AAGAB: variants seen among roughly 807,000 people sequenced by gnomAD.
The protein encoded by AAGAB is alpha- and gamma-adaptin-binding protein p34.
In AAGAB, 38 loss-of-function variants were observed where a neutral mutation model predicts 44.1. The observed-to-expected ratio is 0.86, with a 90% CI of 0.67 to 1.13. The LOEUF (loss-of-function observed/expected upper bound fraction) is 1.13, where lower values mean the gene tolerates loss of function less well. AAGAB is among the 50% of genes most tolerant of loss of function. The probability of loss-of-function intolerance (pLI) is 0.00; values close to 1 mark genes in which losing one functional copy is unlikely to be tolerated. For synonymous variants in AAGAB, 131 were observed against 131.8 expected, an observed-to-expected ratio of 0.99 and a Z score of 0.04; for missense variants, 450 against 373.8, an observed-to-expected ratio of 1.20 and a Z score of -1.68.
intron 1 of AAGAB, among the ~76,000 whole-genome samples, chr15:67,241,696 A>G (rs1964603829): frequency 6.6e-6 from 1 of 152,192 alleles, no homozygotes; most frequent in African/African-American, 2.4e-5. Flanking sequence ...AAAGGCTTAA[A>G]TGAATTCAAT....
intron 9 of AAGAB, among the ~76,000 whole-genome samples, chr15:67,203,121 G>T (rs1963604778): frequency 6.6e-6 from 1 of 152,164 alleles, no homozygotes. Context: ...GATGTGTAAA[G>T]ACATGCACAG....
intron 5 of AAGAB, among the ~76,000 whole-genome samples, chr15:67,217,768 C>T (rs1272962616): frequency 7.0e-4 from 107 of 152,148 alleles, no homozygotes; most frequent in Non-Finnish European, 1.0e-4. Flanking sequence ...GAACTCCTGA[C>T]CTCGTGATCC....
At chr15:67,231,212 A>G (rs1964326664) in intron 5 of AAGAB, among the ~76,000 whole-genome samples, 1 of 152,048 alleles carries the variant, frequency 6.6e-6, no homozygotes, top group Non-Finnish European at 1.5e-5. Flanking sequence ...GCTAATTTTT[A>G]TGGAGATGGG....
At chr15:67,208,751 T>A in intron 6 of AAGAB, 93 bp from the exon 7 acceptor site, 1 of 1,101,288 alleles carries the variant, frequency 9.1e-7, no homozygotes, top group Non-Finnish European at 1.3e-6. Context: ...CTTGGTTGGC[T>A]TGAGAAAAGA....
Position 67,208,763 on chromosome 15 carries a change from T to G in AAGAB, c.619-105A>C, listed in dbSNP as rs139418005. On this transcript the variant is annotated intron_variant, in intron 6 of 9. Transcript: ENST00000261880. ...GTCCTTGGTTGGCTTGAGAAAAGAGTAATAGGAACTGGAGGCAAAGAAAGA... is the reference window on the plus strand; with the variant it reads ...GTCCTTGGTTGGCTTGAGAAAAGAGGAATAGGAACTGGAGGCAAAGAAAGA... 2.4e-3 allele frequency: 2,126 copies of G among 886,840 alleles called. 4 individuals carry two copies. The highest frequency in any genetic ancestry group is 2.5e-3 in the Non-Finnish European group (1,406 of 572,684). 54.9% of individuals were successfully genotyped at this position (886,840 alleles called of 1,614,324 possible).
chr15:67,210,408 CG>C (rs752240509), intron 5 of AAGAB, among the ~76,000 whole-genome samples: 4 of 151,450 alleles, frequency 2.6e-5, no homozygotes, highest in Non-Finnish European at 4.4e-5. Flanking sequence ...CTCAGCTACT[CG>C]GGAGGCTGAG....
In AAGAB at chr15:67,204,120, T is replaced by A. The variant is rs372325047; in HGVS notation, c.744A>T (p.Glu248Asp). The A allele has an allele frequency of 1.4e-4, 226 of 1,610,656 alleles. No individual in the cohort carries two copies. The highest frequency in any genetic ancestry group is 3.5e-4 in the Admixed American group (21 of 59,804). Residue 248 changes from glutamate to aspartate, a missense_variant, in exon 8 of 10, where the codon GAA becomes GAT. Coordinates refer to ENST00000261880, the MANE Select transcript of AAGAB (RefSeq NM_024666.5). The part of the protein sequence containing the change: ...VDPMLDLDIQ[E>D]LASLTTGGGD... ...CTCCTCCAGTGGTAAGACTGGCTAA[T>A]TCTTGAATATCCAGATCTAACATGG...
intron 5 of AAGAB, among the ~76,000 whole-genome samples, chr15:67,220,293 T>C (rs541260812): frequency 1.5e-4 from 23 of 152,352 alleles, no homozygotes; most frequent in Admixed American, 7.2e-4. Flanking sequence ...AGAGAGCACC[T>C]AGGCTAAGGG....
intron 7 of AAGAB, among the ~76,000 whole-genome samples, chr15:67,205,336 G>A (rs921836222): frequency 1.3e-5 from 2 of 152,120 alleles, no homozygotes; most frequent in South Asian, 2.1e-4. Flanking sequence ...ATTTGCTTTC[G>A]TTCAATGGAC....
chr15:67,219,089 A>G (rs1964012967), intron 5 of AAGAB, among the ~76,000 whole-genome samples: 1 of 152,148 alleles, frequency 6.6e-6, no homozygotes, highest in African/African-American at 2.4e-5. Context: ...GGTATCTGGG[A>G]ATTTCCTCTA....
At chr15:67,225,957 G>A (rs1964194261) in intron 5 of AAGAB, among the ~76,000 whole-genome samples, 1 of 152,100 alleles carries the variant, frequency 6.6e-6, no homozygotes, top group Non-Finnish European at 1.5e-5. Flanking sequence ...ACTCTCTAAA[G>A]TGGCTGCAGC....
intron 5 of AAGAB, among the ~76,000 whole-genome samples, chr15:67,222,242 G>GCGCACGCA (rs1367738219): frequency 6.7e-5 from 6 of 90,044 alleles, no homozygotes; most frequent in Admixed American, 1.4e-4. Flanking sequence ...GCGCGCGCGC[G>GCGCACGCA]CACACACACA....
At chr15:67,254,854 G>T (rs1391236648), upstream of AAGAB, 1 of 1,599,718 alleles carries the variant, frequency 6.3e-7, no homozygotes, top group Non-Finnish European at 8.5e-7. Context: ...TTCCGTGCTT[G>T]GAAACCGCGC....
At chr15:67,222,230 A>ACGCGCGCGCG (rs372896757) in intron 5 of AAGAB, among the ~76,000 whole-genome samples, 4 of 133,774 alleles carry the variant, frequency 3.0e-5, no homozygotes, top group African/African-American at 1.2e-4. Flanking sequence ...ATGCACGCGC[A>ACGCGCGCGCG]CGCGCGCGCG....
At chr15:67,254,741 A>G, upstream of AAGAB, 1 of 1,362,950 alleles carries the variant, frequency 7.3e-7, no homozygotes, top group Non-Finnish European at 1.0e-6. Flanking sequence ...CGGAATGACC[A>G]GGCTGGCCTG....
At position 67,231,241 on chromosome 15, in the gene AAGAB, G is replaced by C. The variant is rs575458075; in HGVS notation, c.535+573C>G. 6.2e-4 allele frequency among the ~76,000 whole-genome samples: 94 copies of C among 152,254 alleles called. 1 individual carries two copies. In the South Asian group the frequency reaches 0.019, roughly 31 times the overall value. On this transcript the variant is annotated intron_variant, in intron 5 of 9. Transcript: ENST00000261880. ...AGATGGGCTCTTACCATGTTGTCCA[G>C]GCTGGTCAGAACATAGAACTGTTAT...
chr15:67,254,253 C>T (rs1678212472), intron 1 of AAGAB: 2 of 440,330 alleles, frequency 4.5e-6, no homozygotes, highest in Admixed American at 4.1e-5. Context: ...GCGCAATTTC[C>T]GGAGAGCCTT....
intron 5 of AAGAB, among the ~76,000 whole-genome samples, chr15:67,221,997 T>G (rs1964075436): frequency 6.6e-6 from 1 of 152,062 alleles, no homozygotes; most frequent in African/African-American, 2.4e-5. Context: ...CAAGTCCCTC[T>G]CAGTTCCTAT....
intron 1 of AAGAB, 157 bp downstream of exon 1, chr15:67,254,402 A>C: frequency 7.0e-7 from 1 of 1,423,472 alleles, no homozygotes; most frequent in Non-Finnish European, 9.2e-7. Context: ...ATTAAGAGAT[A>C]GGGGCAGCCA....
Sources: allele counts gnomAD v4.1 joint callset (sites outside exome capture counted in the v4.1 genomes callset), GRCh38; gene constraint gnomAD v4.1.1; transcripts MANE v1.5; gene names NCBI Gene and HGNC (gene_info 2026-07-23, HGNC 2026-07-21).